The following HSPG2 variants were observed in gnomAD, a reference collection of about 807,000 sequenced individuals.
The protein encoded by HSPG2 is basement membrane-specific heparan sulfate proteoglycan core protein.
A neutral mutation model predicts 526.6 loss-of-function variants in HSPG2; 278 were observed. The ratio of observed to expected loss-of-function variants is 0.53; its 90% CI spans 0.48 to 0.58. The LOEUF (loss-of-function observed/expected upper bound fraction) is 0.58, where lower values mean the gene tolerates loss of function less well. HSPG2 is among the 20% of genes least tolerant of loss of function. The pLI is 0.00. For missense variants in HSPG2, 5,354 were observed against 6,099.5 expected, an observed-to-expected ratio of 0.88 and a Z score of 4.07; for synonymous variants, 2,465 against 2,555.4, an observed-to-expected ratio of 0.96 and a Z score of 1.07.
At chr1:21,843,721 AC>A (rs2098059264) in intron 65 of HSPG2, among the ~76,000 whole-genome samples, 1 of 151,900 alleles carries the variant, frequency 6.6e-6, no homozygotes, top group Non-Finnish European at 1.5e-5. Flanking sequence ...ATCTCGGCTC[AC>A]CGCAACCTCT....
In HSPG2 at chr1:21,823,129, C is replaced by T; in HGVS notation, c.*187G>A. On this transcript the variant is annotated 3_prime_UTR_variant, in exon 97 of 97. Coordinates refer to ENST00000374695, the MANE Select transcript of HSPG2 (RefSeq NM_005529.7). ...CATCCAACCTGCCTTGCTGGCCAGC[C>T]TTGTGGCTTTGCCCAGCTGTGTGTG... 1 of 556,044 alleles carries T rather than the reference C, an allele frequency of 1.8e-6. No homozygotes were observed. The highest frequency in any genetic ancestry group is 3.0e-6 in the Non-Finnish European group (1 of 337,312). The allele number at this position is 556,044 out of a possible 1,614,324, so 34.4% of individuals were successfully genotyped here.
At chr1:21,908,363 T>C in intron 1 of HSPG2, 6 of 1,083,536 alleles carry the variant, frequency 5.5e-6, no homozygotes, top group South Asian at 5.0e-5. Flanking sequence ...GCCAAGAGAA[T>C]TAATGTGCGT....
In HSPG2 at chr1:21,842,816, T is replaced by G; in HGVS notation, c.8864A>C (p.Gln2955Pro). The G allele has an allele frequency of 6.2e-7, 1 of 1,613,902 alleles. No individual in the cohort carries two copies. Among genetic ancestry groups the G allele is most frequent in the Non-Finnish European group, 8.5e-7 (1 of 1,180,014 alleles). Residue 2955 changes from glutamine (Q) to proline (P), a missense_variant, in exon 67 of 97, where the codon CAG becomes CCG. Gln to Pro is a moderately conservative substitution (Grantham distance 76, BLOSUM62 -1). Transcript: ENST00000374695. Reference protein sequence around the residue: ...NCVVPGQAHAQVTWYKRGGSL... With the variant: ...NCVVPGQAHAPVTWYKRGGSL... ...GCCCCCGCGCTTGTACCACGTGACC[T>G]GGGCATGGGCCTGCCCGGGCACCAC...
Position 21,839,415 on chromosome 1 carries a change from C to T in HSPG2, c.9845G>A (p.Ser3282Asn). ...DSGQYICNATSPAGHAEATII... is the reference protein window; with the variant it reads ...DSGQYICNATNPAGHAEATII... ...GGTGGCCTCAGCGTGCCCAGCAGGG[C>T]TAGTGGCATTGCAGATGTACTGGCC... is the stretch of plus-strand genomic sequence containing the variant. Residue 3282 changes from serine to asparagine, a missense_variant, in exon 73 of 97, where the codon AGC becomes AAC. By Grantham distance (46) the Ser-to-Asn change is conservative. Transcript: ENST00000374695. The surrounding 1 kb of genome is among the most constrained non-coding windows in gnomAD (Gnocchi z 4.5). 1 of 1,613,956 alleles carries T rather than the reference C, an allele frequency of 6.2e-7. No individual in the cohort carries two copies. Among genetic ancestry groups the T allele is most frequent in the Non-Finnish European group, 8.5e-7 (1 of 1,180,016 alleles).
At chr1:21,876,144 G>T in intron 23 of HSPG2, 85 bp downstream of exon 23, 1 of 1,565,210 alleles carries the variant, frequency 6.4e-7, no homozygotes, top group South Asian at 1.1e-5. Flanking sequence ...TTCTCCCAAG[G>T]CACCACGACC....
Position 21,933,630 on chromosome 1 carries a change from C to G in HSPG2, c.63+3525G>C, listed in dbSNP as rs115558321. 7.2e-3 allele frequency among the ~76,000 whole-genome samples: 1,098 copies of G among 152,362 alleles called. 7 individuals carry two copies. The highest frequency in any genetic ancestry group is 0.025 in the African/African-American group (1,038 of 41,576). ...TGTCTGCGCTCAGCCTGAGAGCAGG[C>G]CCGGGCCAAGCCAGGCAGGGGCCAC... is the stretch of plus-strand genomic sequence containing the variant. On this transcript the variant is annotated intron_variant, in intron 1 of 96. Transcript: ENST00000374695.
chr1:21,857,252 A>C, intron 43 of HSPG2, 33 bp downstream of exon 43: 1 of 1,613,840 alleles, frequency 6.2e-7, no homozygotes, highest in Non-Finnish European at 8.5e-7. Context: ...CAGAAGACAG[A>C]CTTCCTCCAT....
In HSPG2 at chr1:21,887,144, G is replaced by GTGGAAGGCGGGGCAGGAT; in HGVS notation, c.1078+70_1078+71insATCCTGCCCCGCCTTCCA. On this transcript the variant is annotated intron_variant, in intron 9 of 96. Coordinates refer to ENST00000374695, the MANE Select transcript of HSPG2 (RefSeq NM_005529.7). The surrounding 1 kb of genome is among the most constrained non-coding windows in gnomAD (Gnocchi z 5.0). Reference sequence around the variant, plus strand: ...GGGGCAGGGTAGGGGCGGGGCAGGAGTGGAAGGCGGGGCAGGAGCAAGCGG... The same window carrying GTGGAAGGCGGGGCAGGAT: ...GGGGCAGGGTAGGGGCGGGGCAGGAGTGGAAGGCGGGGCAGGATTGGAAGGCGGGGCAGGAGCAAGCGG... 1 of 1,575,010 alleles carries GTGGAAGGCGGGGCAGGAT rather than the reference G, an allele frequency of 6.3e-7. No homozygotes were observed. The highest frequency in any genetic ancestry group is 8.7e-7 in the Non-Finnish European group (1 of 1,152,420).
At chr1:21,869,602 G>T (rs564923025) in intron 33 of HSPG2, 2 of 986,040 alleles carry the variant, frequency 2.0e-6, no homozygotes, top group Admixed American at 6.1e-5. Flanking sequence ...TTGGGGTTGG[G>T]CAGCAAAGCT....
rs527646691 is a variant in HSPG2 at position 21,855,119 on chromosome 1, C to T, written c.5998-136G>A. The T allele has an allele frequency of 5.9e-5, 80 of 1,362,342 alleles. No homozygotes were observed. In the African/African-American group the frequency reaches 1.0e-3, roughly 17 times the overall value. 84.4% of individuals were successfully genotyped at this position (1,362,342 alleles called of 1,614,324 possible). On this transcript the variant is annotated intron_variant, in intron 47 of 96. Transcript: ENST00000374695. ...CCAGTGGGGCATGAAGGAGGACAAA[C>T]GCCAGGCAGCCAAGAGGACGGCAGG...
At position 21,872,723 on chromosome 1, in the gene HSPG2, G is replaced by T; in HGVS notation, c.3926C>A (p.Pro1309His). 1 of 1,609,446 alleles carries T rather than the reference G, an allele frequency of 6.2e-7. No individual in the cohort carries two copies. Among genetic ancestry groups the T allele is most frequent in the Non-Finnish European group, 8.5e-7 (1 of 1,178,700 alleles). The change falls in exon 32 of 97, where the codon CCC becomes CAC. Residue 1309 changes from proline to histidine, a missense_variant. Transcript: ENST00000374695. The surrounding 1 kb of genome is among the most constrained non-coding windows in gnomAD (Gnocchi z 5.5). ...VEGLTCSHCR[P>H]HHFHLSASNP... The stretch of plus-strand genomic sequence containing the variant: ...GCTGGCACTCAGGTGGAAGTGGTGG[G>T]GCCGGCAGTGGCTGCAAGTGAGGCC...
In HSPG2 at chr1:21,842,365, G is replaced by C; in HGVS notation, c.8926C>G (p.Leu2976Val). 1 of 1,608,612 alleles carries C rather than the reference G, an allele frequency of 6.2e-7. No individual in the cohort carries two copies. Among genetic ancestry groups the C allele is most frequent in the South Asian group, 1.1e-5 (1 of 90,630 alleles). Residue 2976 changes from leucine (L) to valine (V), a missense_variant, in exon 68 of 97, where the codon CTG becomes GTG. Coordinates refer to ENST00000374695, the MANE Select transcript of HSPG2 (RefSeq NM_005529.7). ...GCAGGGGAGACGAGGTGGAGCCGCAGCTGGGAGCCATGGGTCTGTCAGAGC... is the reference window on the plus strand; with the variant it reads ...GCAGGGGAGACGAGGTGGAGCCGCACCTGGGAGCCATGGGTCTGTCAGAGC... The part of the protein sequence containing the change: ...PARHQTHGSQ[L>V]RLHLVSPADS...
chr1:21,894,121 T>C (rs562111495), intron 3 of HSPG2, among the ~76,000 whole-genome samples: 4 of 149,032 alleles, frequency 2.7e-5, no homozygotes, highest in African/African-American at 7.4e-5. Flanking sequence ...GGTCAGAACA[T>C]GGAAAGAAAC....
chr1:21,933,161 G>A (rs530101739), intron 1 of HSPG2, among the ~76,000 whole-genome samples: 2 of 151,696 alleles, frequency 1.3e-5, no homozygotes, highest in African/African-American at 4.8e-5. Flanking sequence ...TTGAGGCAGC[G>A]GTGAGCTGTG....
rs917940645 is a variant in HSPG2 at position 21,893,720 on chromosome 1, A to G, written c.244+2202T>C. Reference sequence around the variant, plus strand: ...AGGGACATTGACAGCGAGGGAGACGAGATGGAGAGAAGCAGAGAGAGAGGC... The same window carrying G: ...AGGGACATTGACAGCGAGGGAGACGGGATGGAGAGAAGCAGAGAGAGAGGC... On this transcript the variant is annotated intron_variant, in intron 3 of 96. Transcript: ENST00000374695. The surrounding 1 kb of genome is among the most constrained non-coding windows in gnomAD (Gnocchi z 4.3). Among the ~76,000 whole-genome samples, 1 of 152,070 alleles carries G rather than the reference A, an allele frequency of 6.6e-6. No homozygotes were observed. Among genetic ancestry groups the G allele is most frequent in the Non-Finnish European group, 1.5e-5 (1 of 68,018 alleles).
chr1:21,850,562 C>A, intron 55 of HSPG2, 64 bp from the exon 56 acceptor site: 1 of 1,487,934 alleles, frequency 6.7e-7, no homozygotes, highest in Non-Finnish European at 9.0e-7. Context: ...TAACCTGCAA[C>A]CCTGCCTCAC....
At position 21,895,929 on chromosome 1, in the gene HSPG2, G is replaced by C; in HGVS notation, c.237C>G (p.Phe79Leu). Residue 79 changes from phenylalanine to leucine, a missense_variant, in exon 3 of 97, where the codon TTC becomes TTG. Phe to Leu is a conservative substitution (Grantham distance 22). Coordinates refer to ENST00000374695, the MANE Select transcript of HSPG2 (RefSeq NM_005529.7). The surrounding 1 kb of genome is among the most constrained non-coding windows in gnomAD (Gnocchi z 4.1). ...LGSGDLGSGD[F>L]QMVYFRALVN... Reference sequence around the variant, plus strand: ...AGGCCTGCAGCAACTTACCCATCTGGAAGTCCCCGCTGCCCAGGTCCCCAC... The same window carrying C: ...AGGCCTGCAGCAACTTACCCATCTGCAAGTCCCCGCTGCCCAGGTCCCCAC... The C allele has an allele frequency of 6.2e-7, 1 of 1,614,062 alleles. No individual in the cohort carries two copies. Among genetic ancestry groups the C allele is most frequent in the South Asian group, 1.1e-5 (1 of 91,072 alleles).
At chr1:21,924,743 T>C (rs1644139140) in intron 1 of HSPG2, among the ~76,000 whole-genome samples, 1 of 152,138 alleles carries the variant, frequency 6.6e-6, no homozygotes. Context: ...TTAACGACTC[T>C]GGCAGCAAGC....
rs1466867746 is a variant in HSPG2 at position 21,828,838 on chromosome 1, G to C, written c.12234C>G (p.Gly4078=). 1.3e-6 allele frequency: 2 copies of C among 1,550,410 alleles called. No individual in the cohort carries two copies. The highest frequency in any genetic ancestry group is 4.9e-5 in the East Asian group (2 of 40,846). The part of the protein sequence containing the change: ...NMSAHFRGCV[G]EVSVNGKRLD... The stretch of plus-strand genomic sequence containing the variant: ...GTCCCGAGGAGGCTGCTCTTACCTC[G>C]CCCACACAGCCGCGGAAGTGAGCGC... Residue 4078 remains glycine, a synonymous_variant, in exon 88 of 97, where the codon GGC becomes GGG. Transcript: ENST00000374695. This position sits in a 1 kb window ranked among gnomAD's most constrained non-coding sequence, Gnocchi z 6.0.
Sources: allele counts gnomAD v4.1 joint callset (sites outside exome capture counted in the v4.1 genomes callset), GRCh38; gene constraint gnomAD v4.1.1; non-coding constraint Gnocchi (gnomAD v3.1); transcripts MANE v1.5; gene names NCBI Gene and HGNC (gene_info 2026-07-23, HGNC 2026-07-21).